Variants in MAGI2 observed in about 807,000 individuals in gnomAD.
The protein encoded by MAGI2 is membrane-associated guanylate kinase, WW and PDZ domain-containing protein 2.
Under a neutral mutation model 133.3 loss-of-function variants are expected in MAGI2, and 35 were observed. The observed-to-expected ratio is 0.26, with a 90% CI of 0.20 to 0.35. MAGI2 has a LOEUF of 0.35. Ranked by LOEUF, MAGI2 falls within the 10% of genes least tolerant of loss-of-function variation. The pLI, the probability that MAGI2 is intolerant of heterozygous loss-of-function variation, is 1.00. For synonymous variants in MAGI2, 729 were observed against 710.6 expected (o/e 1.03, Z -0.41); for missense variants, 1,636 against 1,863.4 (o/e 0.88, Z 2.25).
chr7:78,779,159 G>A (rs1826209552), intron 2 of MAGI2, among the ~76,000 whole-genome samples: 1 of 152,052 alleles, frequency 6.6e-6, no homozygotes, highest in East Asian at 1.9e-4. Context: ...GCCTGCTTCG[G>A]CATCCCAAAG....
chr7:79,259,742 T>C (rs1024731243), intron 1 of MAGI2, among the ~76,000 whole-genome samples: 4 of 152,228 alleles, frequency 2.6e-5, no homozygotes, highest in Non-Finnish European at 4.4e-5. Flanking sequence ...CAATTTTGAA[T>C]GTTCAACACT....
chr7:78,941,728 T>TCACA (rs3068585), intron 2 of MAGI2, among the ~76,000 whole-genome samples: 6,096 of 123,268 alleles, frequency 0.049, 201 homozygotes, highest in African/African-American at 0.089. Context: ...GCCTATTTCA[T>TCACA]CACACACACA....
intron 2 of MAGI2, among the ~76,000 whole-genome samples, chr7:78,671,083 G>T (rs73380222): frequency 0.015 from 2,333 of 152,140 alleles, 68 homozygotes; most frequent in African/African-American, 0.053. Context: ...CAAATCATTT[G>T]TAGAGTAAGA....
At chr7:78,892,547 A>G (rs1319934289) in intron 2 of MAGI2, among the ~76,000 whole-genome samples, 6 of 152,336 alleles carry the variant, frequency 3.9e-5, no homozygotes, top group African/African-American at 1.2e-4. Context: ...GATCAATGGA[A>G]CAGAACAGAG....
intron 3 of MAGI2, among the ~76,000 whole-genome samples, chr7:78,626,160 G>A (rs751672601): frequency 6.6e-6 from 1 of 152,046 alleles, no homozygotes; most frequent in Non-Finnish European, 1.5e-5. Context: ...ATTAGTTGCA[G>A]GTTAATAAAA....
chr7:78,371,289 G>T (rs1394825106), intron 6 of MAGI2, among the ~76,000 whole-genome samples: 1 of 151,718 alleles, frequency 6.6e-6, no homozygotes, highest in African/African-American at 2.4e-5. Context: ...TCATCCAGAA[G>T]TAAAAGAATA....
intron 10 of MAGI2, among the ~76,000 whole-genome samples, chr7:78,237,419 A>T (rs571873250): frequency 5.3e-5 from 8 of 152,176 alleles, no homozygotes; most frequent in Admixed American, 5.2e-4. Context: ...TTAAAGAGGG[A>T]CTGTAGTTTA....
intron 3 of MAGI2, among the ~76,000 whole-genome samples, chr7:78,592,977 GT>G (rs1018303660): frequency 6.6e-6 from 1 of 151,576 alleles, no homozygotes; most frequent in Non-Finnish European, 1.5e-5. Flanking sequence ...TGGATCACAG[GT>G]ACTTGCCACC....
intron 1 of MAGI2, among the ~76,000 whole-genome samples, chr7:79,273,393 C>A (rs1399238747): frequency 6.6e-6 from 1 of 151,944 alleles, no homozygotes; most frequent in Non-Finnish European, 1.5e-5. Flanking sequence ...TTTCTCAGCC[C>A]AGAGACATGT....
intron 20 of MAGI2, among the ~76,000 whole-genome samples, chr7:78,095,877 T>C (rs1817647004): frequency 2.0e-5 from 3 of 152,214 alleles, no homozygotes; most frequent in Admixed American, 1.3e-4. Context: ...TGGGAACTTA[T>C]ATTATCATAC....
Position 78,573,257 on chromosome 7 carries a change from A to AAATAT in MAGI2, c.539-51613_539-51612insATATT, listed in dbSNP as rs1179777593. Among the ~76,000 whole-genome samples the AAATAT allele has an allele frequency of 1.6e-3, 35 of 21,964 alleles. 1 individual carries two copies. The highest frequency in any genetic ancestry group is 5.7e-3 in the African/African-American group (33 of 5,778). The allele number at this position is 21,964 out of a possible 152,430, so 14.4% of individuals were successfully genotyped here. ...AAATATATATATATAAATATATATAAATATAAATATATATAAATATATATA... is the reference window on the plus strand; with the variant it reads ...AAATATATATATATAAATATATATAAAATATATATAAATATATATAAATATATATA... On this transcript the variant is annotated intron_variant, in intron 3 of 21. Coordinates refer to ENST00000354212, the MANE Select transcript of MAGI2 (RefSeq NM_012301.4).
Position 78,897,755 on chromosome 7 carries a change from A to T in MAGI2, c.418+109335T>A, listed in dbSNP as rs548506158. Among the ~76,000 whole-genome samples the T allele has an allele frequency of 1.2e-4, 19 of 152,302 alleles. 1 individual carries two copies. The highest frequency in any genetic ancestry group is 4.6e-4 in the African/African-American group (19 of 41,560). ...TATTTTAACAATATTGATTCTTCCT[A>T]TTTATGAGTATGGAAAGTTTTTCCA... On this transcript the variant is annotated intron_variant, in intron 2 of 21. Coordinates refer to ENST00000354212, the MANE Select transcript of MAGI2 (RefSeq NM_012301.4).
chr7:78,615,110 G>T (rs1185320647), intron 3 of MAGI2: 2 of 152,024 alleles, frequency 1.3e-5, no homozygotes. Flanking sequence ...CAATGTGCCT[G>T]TCTCCAGGAG....
chr7:78,860,689 T>A (rs1347780372), intron 2 of MAGI2, among the ~76,000 whole-genome samples: 1 of 152,072 alleles, frequency 6.6e-6, no homozygotes, highest in East Asian at 1.9e-4. Flanking sequence ...CTACTCAGGG[T>A]TCTGGCACCC....
intron 1 of MAGI2, among the ~76,000 whole-genome samples, chr7:79,068,557 T>A (rs1455734682): frequency 1.3e-5 from 2 of 152,140 alleles, no homozygotes; most frequent in Non-Finnish European, 2.9e-5. Context: ...ATTAATTGAT[T>A]TTTTGAAGGG....
chr7:78,734,752 A>T (rs538730154), intron 2 of MAGI2, among the ~76,000 whole-genome samples: 1 of 152,178 alleles, frequency 6.6e-6, no homozygotes. Context: ...GATGAAAAAC[A>T]CGTGGGGGCA....
chr7:79,265,918 T>C (rs1834425566), intron 1 of MAGI2, among the ~76,000 whole-genome samples: 4 of 152,218 alleles, frequency 2.6e-5, no homozygotes. Context: ...GTTTTCTATT[T>C]TGTGCTGTTT....
chr7:78,661,617 T>C (rs1160695355), intron 2 of MAGI2, among the ~76,000 whole-genome samples: 1 of 152,214 alleles, frequency 6.6e-6, no homozygotes, highest in South Asian at 2.1e-4. Context: ...TAGGGCTCTG[T>C]CATCCCTCAC....
chr7:79,125,499 T>C, intron 1 of MAGI2: 1 of 513,220 alleles, frequency 1.9e-6, no homozygotes, highest in South Asian at 1.5e-5. Flanking sequence ...GCAGACGCTA[T>C]GGAAGTGGTG....
Sources: allele counts gnomAD v4.1 joint callset (sites outside exome capture counted in the v4.1 genomes callset), GRCh38; gene constraint gnomAD v4.1.1; transcripts MANE v1.5; gene names NCBI Gene and HGNC (gene_info 2026-07-23, HGNC 2026-07-21).